HNRNPR: variants seen among roughly 807,000 people sequenced by gnomAD.
HNRNPR encodes heterogeneous nuclear ribonucleoprotein R.
A neutral mutation model predicts 70.3 loss-of-function variants in HNRNPR; 4 were observed. The observed-to-expected ratio is 0.06, with a 90% confidence interval of 0.03 to 0.13. HNRNPR has a LOEUF of 0.13. Among genes scored for constraint, HNRNPR ranks in the 10% least tolerant of loss-of-function variants. The probability of loss-of-function intolerance (pLI) is 1.00; values close to 1 mark genes in which losing one functional copy is unlikely to be tolerated. For synonymous variants in HNRNPR, 241 were observed against 267.6 expected, an observed-to-expected ratio of 0.90 and a Z score of 0.97; for missense variants, 423 against 788.5, an observed-to-expected ratio of 0.54 and a Z score of 5.55.
At chr1:23,313,430 A>T in intron 9 of HNRNPR, 123 bp downstream of exon 9, 2 of 675,622 alleles carry the variant, frequency 3.0e-6, no homozygotes, top group Non-Finnish European at 5.0e-6. Flanking sequence ...TACAGAGATT[A>T]AATAGAAAGA....
Position 23,305,416 on chromosome 1 carries a change from G to C in HNRNPR, c.*5038C>G, listed in dbSNP as rs566496514. The C allele has an allele frequency of 6.6e-6, 1 of 151,940 alleles. No individual in the cohort carries two copies. The highest frequency in any genetic ancestry group is 1.5e-5 in the Non-Finnish European group (1 of 67,972). 9.4% of individuals were successfully genotyped at this position (151,940 alleles called of 1,614,324 possible). On this transcript the variant is annotated 3_prime_UTR_variant, in exon 11 of 11. Transcript: ENST00000302271. ...AGTCTATAGCAAACTTACAAGTAAG[G>C]GTTTATATTCATGACACTGACTAGC...
In HNRNPR at chr1:23,331,731, G is replaced by A. The variant is rs898143829; in HGVS notation, c.498+1787C>T. Among the ~76,000 whole-genome samples, 5 of 151,200 alleles carry A rather than the reference G, an allele frequency of 3.3e-5. No homozygotes were observed. The Admixed American group carries it at 3.3e-4, about 10-fold the overall frequency. ...AGTCCATAGTCCCAGCTACTGGGGAGGCTGAGGCAGGAGGGCTGCTTGAGC... is the reference window on the plus strand; with the variant it reads ...AGTCCATAGTCCCAGCTACTGGGGAAGCTGAGGCAGGAGGGCTGCTTGAGC... On this transcript the variant is annotated intron_variant, in intron 5 of 10. Coordinates refer to ENST00000302271, the MANE Select transcript of HNRNPR (RefSeq NM_005826.5).
Position 23,310,556 on chromosome 1 carries a change from A to G in HNRNPR, c.1800T>C (p.Ala600=), listed in dbSNP as rs1202471344. ...NQQNWGSQPI[A]QQPLQQGGDY... ...CACCACCTTGCTGAAGCGGCTGCTG[A>G]GCGATGGGTTGGGAACCCCAGTTCT... Residue 600 remains alanine, a synonymous_variant, in exon 11 of 11, where the codon GCT becomes GCC. Coordinates refer to ENST00000302271, the MANE Select transcript of HNRNPR (RefSeq NM_005826.5). The surrounding 1 kb of genome is among the most constrained non-coding windows in gnomAD (Gnocchi z 6.0). 3.1e-6 allele frequency: 5 copies of G among 1,614,020 alleles called. No homozygotes were observed. In the East Asian group the frequency reaches 1.1e-4, roughly 36 times the overall value.
intron 5 of HNRNPR, among the ~76,000 whole-genome samples, chr1:23,324,532 C>A (rs370224380): frequency 6.6e-6 from 1 of 152,162 alleles, no homozygotes; most frequent in South Asian, 2.1e-4. Context: ...CGTGCCACTG[C>A]ACTCCAGCCT....
intron 5 of HNRNPR, among the ~76,000 whole-genome samples, chr1:23,333,000 A>G (rs1191413347): frequency 6.6e-6 from 1 of 152,166 alleles, no homozygotes; most frequent in Non-Finnish European, 1.5e-5. Context: ...CCTGACCAAC[A>G]TGGTGAAACC....
intron 4 of HNRNPR, among the ~76,000 whole-genome samples, chr1:23,337,373 T>G (rs1388403763): frequency 1.3e-5 from 2 of 152,162 alleles, no homozygotes; most frequent in African/African-American, 2.4e-5. Flanking sequence ...AAAGTGAAAC[T>G]TTCAGCTGGG....
intron 9 of HNRNPR, among the ~76,000 whole-genome samples, chr1:23,312,111 C>A (rs993605592): frequency 6.6e-6 from 1 of 152,110 alleles, no homozygotes; most frequent in Non-Finnish European, 1.5e-5. Context: ...TATACCTTTC[C>A]CCACTCTGGG....
At chr1:23,322,924 C>G (rs12135893) in intron 6 of HNRNPR, among the ~76,000 whole-genome samples, 21 of 152,104 alleles carry the variant, frequency 1.4e-4, no homozygotes, top group Admixed American at 5.9e-4. Context: ...GCTACTACTA[C>G]TGGTCTGAAA....
chr1:23,338,409 C>G, intron 3 of HNRNPR, 81 bp downstream of exon 3: 1 of 587,572 alleles, frequency 1.7e-6, no homozygotes, highest in South Asian at 3.5e-5. Flanking sequence ...AAAAATACCA[C>G]TTCTCCATAG....
At chr1:23,330,484 G>A (rs751589039) in intron 5 of HNRNPR, among the ~76,000 whole-genome samples, 3 of 152,014 alleles carry the variant, frequency 2.0e-5, no homozygotes, top group Non-Finnish European at 2.9e-5. Flanking sequence ...GCAGTGAGCC[G>A]AGATCGTGCC....
At chr1:23,325,587 T>G (rs557533763) in intron 5 of HNRNPR, among the ~76,000 whole-genome samples, 2 of 152,282 alleles carry the variant, frequency 1.3e-5, no homozygotes, top group African/African-American at 4.8e-5. Flanking sequence ...TATTCTTACC[T>G]CTCACAATGT....
intron 5 of HNRNPR, among the ~76,000 whole-genome samples, chr1:23,330,600 C>G (rs541536428): frequency 6.2e-4 from 94 of 152,238 alleles, no homozygotes; most frequent in African/African-American, 2.0e-3. Context: ...CTGAAGAATA[C>G]AAAAATACTA....
intron 4 of HNRNPR, among the ~76,000 whole-genome samples, chr1:23,334,164 T>G (rs1646362058): frequency 6.6e-6 from 1 of 152,072 alleles, no homozygotes; most frequent in African/African-American, 2.4e-5. Flanking sequence ...TCCGCCTGTC[T>G]TGGCCTCCCA....
rs761825334 is a variant in HNRNPR, at chr1:23,319,434, G to A, written c.812-746C>T. On this transcript the variant is annotated intron_variant, in intron 7 of 10. Coordinates refer to ENST00000302271, the MANE Select transcript of HNRNPR (RefSeq NM_005826.5). ...CCACCTGGTTCTGAAGCCAGAAATT[G>A]GTTAGCCATTCTTGATTTCTTCCTT... Among the ~76,000 whole-genome samples the A allele has an allele frequency of 5.5e-4, 84 of 152,236 alleles. 1 individual carries two copies. Among genetic ancestry groups the A allele is most frequent in the Non-Finnish European group, 2.6e-4 (18 of 68,020 alleles).
At chr1:23,324,050 C>T (rs1011073333) in intron 5 of HNRNPR, among the ~76,000 whole-genome samples, 11 of 152,004 alleles carry the variant, frequency 7.2e-5, no homozygotes, top group African/African-American at 4.8e-5. Context: ...CAGCAGCTCA[C>T]GCCTGTAATC....
At chr1:23,317,107 C>T (rs1645574054) in intron 8 of HNRNPR, among the ~76,000 whole-genome samples, 1 of 152,152 alleles carries the variant, frequency 6.6e-6, no homozygotes, top group African/African-American at 2.4e-5. Context: ...GAGTTGCTGC[C>T]TCCCTGTGAA....
intron 1 of HNRNPR, among the ~76,000 whole-genome samples, chr1:23,343,193 C>CA (rs200057333): frequency 6.7e-4 from 100 of 148,754 alleles, no homozygotes; most frequent in African/African-American, 1.9e-3. Context: ...AACATTTTTG[C>CA]AAAAAAAAAG....
In HNRNPR at chr1:23,316,369, C is replaced by T. The variant is rs527325598; in HGVS notation, c.1017+2114G>A. Among the ~76,000 whole-genome samples, 12 of 152,160 alleles carry T rather than the reference C, an allele frequency of 7.9e-5. No individual in the cohort carries two copies. In the East Asian group the frequency reaches 1.7e-3, roughly 22 times the overall value. ...ATATTTAATCCTAAGTTTATAGAGA[C>T]CTCCTTTTCATTCTGAAACCTGTTT... On this transcript the variant is annotated intron_variant, in intron 8 of 10. Transcript: ENST00000302271.
chr1:23,323,721 G>T lies in HNRNPR; in HGVS notation c.510C>A (p.Gly170=). 1 of 1,613,376 alleles carries T rather than the reference G, an allele frequency of 6.2e-7. No homozygotes were observed. Among genetic ancestry groups the T allele is most frequent in the Non-Finnish European group, 8.5e-7 (1 of 1,179,478 alleles). The change falls in exon 6 of 11, where the codon GGC becomes GGA. Residue 170 remains glycine (G), a synonymous_variant. Coordinates refer to ENST00000302271, the MANE Select transcript of HNRNPR (RefSeq NM_005826.5). The part of the protein sequence containing the change: ...QPGIGTEVFV[G]KIPRDLYEDE... ...CCTCATATAAATCCCTTGGTATTTT[G>T]CCTACAAATACCTGAAATAAAACCC...
Sources: allele counts gnomAD v4.1 joint callset (sites outside exome capture counted in the v4.1 genomes callset), GRCh38; gene constraint gnomAD v4.1.1; non-coding constraint Gnocchi (gnomAD v3.1); transcripts MANE v1.5; gene names NCBI Gene and HGNC (gene_info 2026-07-23, HGNC 2026-07-21).